The following RNASEH2B variants were observed in gnomAD, a reference collection of about 807,000 sequenced individuals.
RNASEH2B encodes ribonuclease H2 subunit B.
A neutral mutation model predicts 45.0 loss-of-function variants in RNASEH2B; 36 were observed. The observed-to-expected ratio is 0.80, with a 90% CI of 0.61 to 1.06. The LOEUF is 1.06. RNASEH2B is among the 50% of genes least tolerant of loss of function. The pLI is 0.00. For synonymous variants in RNASEH2B, 119 were observed against 125.7 expected (o/e 0.95, Z 0.35); for missense variants, 361 against 360.3 (o/e 1.00, Z -0.02).
intron 10 of RNASEH2B, chr13:50,955,353 C>G (rs1247246834): frequency 6.6e-6 from 1 of 152,166 alleles, no homozygotes; most frequent in Admixed American, 6.5e-5. Flanking sequence ...AGCGAGTTAT[C>G]TCGATGCTGT....
intron 5 of RNASEH2B, among the ~76,000 whole-genome samples, chr13:50,940,531 A>G (rs942116111): frequency 3.9e-5 from 6 of 152,132 alleles, no homozygotes; most frequent in African/African-American, 1.4e-4. Context: ...TTCTCTCTAT[A>G]CTTCCTACCT....
Position 50,945,622 on chromosome 13 carries a change from T to C in RNASEH2B, c.616+90T>C, listed in dbSNP as rs575388477. On this transcript the variant is annotated intron_variant, in intron 7 of 10. Transcript: ENST00000336617. ...ATCTTAGGATTTAAAAATCTTAATATCACAGAAGCCTCATATTCCTACCAA... is the reference window on the plus strand; with the variant it reads ...ATCTTAGGATTTAAAAATCTTAATACCACAGAAGCCTCATATTCCTACCAA... 44 of 850,494 alleles carry C rather than the reference T, an allele frequency of 5.2e-5. No individual in the cohort carries two copies. The African/African-American group carries it at 6.7e-4, about 13-fold the overall frequency. The allele number at this position is 850,494 out of a possible 1,614,324, so 52.7% of individuals were successfully genotyped here.
intron 4 of RNASEH2B, among the ~76,000 whole-genome samples, chr13:50,932,830 G>T (rs576592779): frequency 6.6e-6 from 1 of 152,156 alleles, no homozygotes; most frequent in African/African-American, 2.4e-5. Context: ...CATTTGGTAG[G>T]TAAATTAATT....
chr13:50,944,563 T>C (rs1008380349), intron 6 of RNASEH2B, among the ~76,000 whole-genome samples: 6 of 152,158 alleles, frequency 3.9e-5, no homozygotes, highest in Non-Finnish European at 7.4e-5. Flanking sequence ...GGTACATGTA[T>C]ACCTGTATGA....
chr13:50,928,973 GA>G (rs1219534317), intron 2 of RNASEH2B, among the ~76,000 whole-genome samples: 5 of 134,344 alleles, frequency 3.7e-5, no homozygotes, highest in South Asian at 4.7e-4. Flanking sequence ...GAAAGGAAAG[GA>G]AAAAAAATTC....
downstream of RNASEH2B, chr13:50,959,351 C>T (rs1264164440): frequency 6.6e-6 from 1 of 151,968 alleles, no homozygotes; most frequent in Non-Finnish European, 1.5e-5. Context: ...ATAAACTTTT[C>T]CTTTACACAG....
At position 50,910,105 on chromosome 13, in the gene RNASEH2B, G is replaced by A. The variant is rs1340493334; in HGVS notation, c.29G>A (p.Gly10Glu). Residue 10 changes from glycine (G) to glutamate (E), a missense_variant, in exon 1 of 11, where the codon GGG (glycine) becomes GAG (glutamate). Physicochemically the swap from Gly to Glu is moderately conservative, Grantham distance 98. Coordinates refer to ENST00000336617, the MANE Select transcript of RNASEH2B (RefSeq NM_024570.4). MAAGVDCGD[G>E]VGARQHVFLV... The stretch of plus-strand genomic sequence containing the variant: ...GCCGCTGGCGTGGACTGCGGGGACG[G>A]GGTTGGCGCCCGGCAGCACGTGTTC... The A allele has an allele frequency of 3.4e-6, 5 of 1,462,214 alleles. No homozygotes were observed. In the Admixed American group the frequency reaches 1.3e-4, roughly 38 times the overall value. The allele number at this position is 1,462,214 out of a possible 1,614,324, so 90.6% of individuals were successfully genotyped here. A position where few individuals can be genotyped will look rare whatever the true frequency, so the allele number is the denominator to read the frequency against.
chr13:50,956,876 T>A, downstream of RNASEH2B: 2 of 432,204 alleles, frequency 4.6e-6, no homozygotes, highest in Non-Finnish European at 6.2e-6. Flanking sequence ...ATTGTTACTT[T>A]AAAAAGGCTT....
At chr13:50,929,346 A>G (rs1951646016) in intron 2 of RNASEH2B, 129 bp from the exon 3 acceptor site, 1 of 693,668 alleles carries the variant, frequency 1.4e-6, no homozygotes, top group East Asian at 2.7e-5. Flanking sequence ...GTTTTTTAGA[A>G]TAGACCTGTG....
chr13:50,970,283 G>C, exon 10 of RNASEH2B: 1 of 512,080 alleles, frequency 2.0e-6, no homozygotes, highest in East Asian at 3.4e-5. Flanking sequence ...GTGACTTAAA[G>C]TACTTGATTG....
At chr13:50,925,787 G>A (rs1177354794) in intron 1 of RNASEH2B, among the ~76,000 whole-genome samples, 1 of 152,044 alleles carries the variant, frequency 6.6e-6, no homozygotes, top group Non-Finnish European at 1.5e-5. Context: ...CAGATCTCTG[G>A]GGTCTTGTTT....
chr13:50,961,000 T>C (rs1474552390), downstream of RNASEH2B, among the ~76,000 whole-genome samples: 1 of 152,176 alleles, frequency 6.6e-6, no homozygotes, highest in East Asian at 1.9e-4. Context: ...TTTGCTGGAA[T>C]ATTTCTTATT....
chr13:50,926,572 T>C (rs1256543942), intron 1 of RNASEH2B, among the ~76,000 whole-genome samples: 1 of 152,160 alleles, frequency 6.6e-6, no homozygotes, highest in African/African-American at 2.4e-5. Context: ...ATATTTAAAT[T>C]GGATTTCCTC....
At chr13:50,968,867 T>C (rs11843914) in intron 9 of RNASEH2B, among the ~76,000 whole-genome samples, 17,458 of 152,208 alleles carry the variant, frequency 0.11, 1,168 homozygotes, top group African/African-American at 0.18. Flanking sequence ...CTATTTGAAA[T>C]GGGGGACGGC....
intron 1 of RNASEH2B, chr13:50,910,666 G>C (rs1329191275): frequency 6.5e-6 from 1 of 152,712 alleles, no homozygotes; most frequent in African/African-American, 2.4e-5. Flanking sequence ...GATTCAGCAG[G>C]ATGATGACCA....
chr13:50,943,353 A>C lies in RNASEH2B; in HGVS notation c.469A>C (p.Lys157Gln). 1 of 1,604,990 alleles carries C rather than the reference A, an allele frequency of 6.2e-7. No individual in the cohort carries two copies. Among genetic ancestry groups the C allele is most frequent in the Admixed American group, 1.7e-5 (1 of 59,988 alleles). ...AGAAATAGACAACAAGAAATATTAC[A>C]AGTACAGCAAAGAGAAGACATTAAA... ...NPEIDNKKYY[K>Q]YSKEKTLKWL... Residue 157 changes from lysine (K) to glutamine (Q), a missense_variant, in exon 6 of 11, where the codon AAG becomes CAG. Coordinates refer to ENST00000336617, the MANE Select transcript of RNASEH2B (RefSeq NM_024570.4).
At position 50,953,858 on chromosome 13, in the gene RNASEH2B, T is replaced by A. The variant is rs757145306; in HGVS notation, c.742-47T>A. On this transcript the variant is annotated intron_variant, in intron 9 of 10. Coordinates refer to ENST00000336617, the MANE Select transcript of RNASEH2B (RefSeq NM_024570.4). Reference sequence around the variant, plus strand: ...GGGTTTTTTTTTAATGGATTGATGTTGTGTCAAAGTGACATTTGACACCAC... The same window carrying A: ...GGGTTTTTTTTTAATGGATTGATGTAGTGTCAAAGTGACATTTGACACCAC... 6 of 1,236,112 alleles carry A rather than the reference T, an allele frequency of 4.9e-6. No individual in the cohort carries two copies. In the East Asian group the frequency reaches 1.4e-4, roughly 29 times the overall value. The allele number at this position is 1,236,112 out of a possible 1,614,324, so 76.6% of individuals were successfully genotyped here. A position where few individuals can be genotyped will look rare whatever the true frequency, so the allele number is the denominator to read the frequency against.
chr13:50,966,316 G>C lies in RNASEH2B; in HGVS notation c.742-3616G>C, dbSNP rs548950654. The stretch of plus-strand genomic sequence containing the variant: ...GAATTCTTTAAGGAATTTCAGACTA[G>C]AGCCTTTTTAGACTCTTGTACTAAA... On this transcript the variant is annotated intron_variant, in intron 9 of 9. Coordinates refer to the RNASEH2B transcript ENST00000422660. 1.6e-4 allele frequency among the ~76,000 whole-genome samples: 24 copies of C among 152,232 alleles called. No homozygotes were observed. The South Asian group carries it at 4.6e-3, about 29-fold the overall frequency.
At chr13:50,922,826 A>G (rs1445206046) in intron 1 of RNASEH2B, among the ~76,000 whole-genome samples, 2 of 152,228 alleles carry the variant, frequency 1.3e-5, no homozygotes, top group African/African-American at 2.4e-5. Context: ...AAAGTAGTCA[A>G]TAGAAACTGT....
Sources: gnomAD v4.1 joint callset for allele counts (sites outside exome capture counted in the v4.1 genomes callset) on GRCh38, gnomAD v4.1.1 for gene constraint, MANE v1.5 for transcripts, NCBI Gene and HGNC (gene_info 2026-07-23, HGNC 2026-07-21) for gene names.